GON4L: variants seen among roughly 807,000 people sequenced by gnomAD.
The protein encoded by GON4L is gon-4 like, also known as GON-4-like protein.
In GON4L, 87 loss-of-function variants were observed where a neutral mutation model predicts 211.8. That is an observed-to-expected ratio of 0.41 (90% CI 0.35 to 0.49). The LOEUF (loss-of-function observed/expected upper bound fraction) is 0.49. Among genes scored for constraint, GON4L ranks in the 20% least tolerant of loss-of-function variants. The pLI is 0.15. For synonymous variants in GON4L, 875 were observed against 962.6 expected (o/e 0.91, Z 1.68); for missense variants, 2,155 against 2,659.5 (o/e 0.81, Z 4.17).
intron 2 of GON4L, among the ~76,000 whole-genome samples, chr1:155,840,732 G>A (rs1670694635): frequency 1.3e-5 from 2 of 152,124 alleles, no homozygotes; most frequent in Admixed American, 6.6e-5. Context: ...GGGCAAAAGG[G>A]GCAAAGTAAA....
rs1356020428 is a variant in GON4L, at chr1:155,776,486, G to C, written c.2092-5C>G. ...TTGGGTCAAGAGCTGAACGTGCTGG[G>C]GATGGAAAGAAAATGATGAAGTGAC... On this transcript the variant is annotated splice_polypyrimidine_tract_variant and splice_region_variant and intron_variant, in intron 15 of 31. Transcript: ENST00000368331. 3 of 1,602,576 alleles carry C rather than the reference G, an allele frequency of 1.9e-6. No individual in the cohort carries two copies. In the South Asian group the frequency reaches 3.3e-5, roughly 18 times the overall value.
rs1668229064 is a variant in GON4L, at chr1:155,816,280, A to T, written c.1015-18T>A. On this transcript the variant is annotated intron_variant, in intron 6 of 31. Coordinates refer to ENST00000368331, the MANE Select transcript of GON4L (RefSeq NM_001282860.2). ...GGAATTACCTACCAACAAAGAATAT[A>T]AATAATTAAGTTATCTTAACTGAAA... The T allele has an allele frequency of 8.9e-7, 1 of 1,126,118 alleles. No homozygotes were observed. Among genetic ancestry groups the T allele is most frequent in the Non-Finnish European group, 1.4e-6 (1 of 739,058 alleles). The allele number at this position is 1,126,118 out of a possible 1,614,324, so 69.8% of individuals were successfully genotyped here. A position where few individuals can be genotyped will look rare whatever the true frequency, so the allele number is the denominator to read the frequency against.
chr1:155,761,186 T>G (rs890186248), intron 23 of GON4L, among the ~76,000 whole-genome samples: 29 of 147,520 alleles, frequency 2.0e-4, no homozygotes, highest in African/African-American at 6.5e-4. Context: ...TTTTTTTTTT[T>G]TTTTTTTTTT....
chr1:155,763,055 A>T (rs908678836), intron 22 of GON4L, among the ~76,000 whole-genome samples: 8 of 151,960 alleles, frequency 5.3e-5, no homozygotes, highest in Non-Finnish European at 1.0e-4. Context: ...ATAAAAAAAT[A>T]AAAAAAAGAA....
At chr1:155,850,296 G>C (rs1671657710) in intron 2 of GON4L, among the ~76,000 whole-genome samples, 1 of 152,112 alleles carries the variant, frequency 6.6e-6, no homozygotes, top group Non-Finnish European at 1.5e-5. Flanking sequence ...CTAAAAAATT[G>C]TGTAGAAGAT....
At position 155,824,814 on chromosome 1, in the gene GON4L, C is replaced by T. The variant is rs545467844; in HGVS notation, c.697+2023G>A. Reference sequence around the variant, plus strand: ...AGAATTGAATGGGTAACAATGGGCACAAGGAAGCAAAAAGAAAAAACAAAG... The same window carrying T: ...AGAATTGAATGGGTAACAATGGGCATAAGGAAGCAAAAAGAAAAAACAAAG... On this transcript the variant is annotated intron_variant, in intron 3 of 31. Coordinates refer to ENST00000368331, the MANE Select transcript of GON4L (RefSeq NM_001282860.2). Among the ~76,000 whole-genome samples the T allele has an allele frequency of 6.9e-4, 95 of 137,874 alleles. 1 individual carries two copies. The highest frequency in any genetic ancestry group is 2.5e-3 in the African/African-American group (94 of 37,042). 90.5% of individuals were successfully genotyped at this position (137,874 alleles called of 152,430 possible).
At chr1:155,784,408 T>G in intron 13 of GON4L, 1 of 290,672 alleles carries the variant, frequency 3.4e-6, no homozygotes, top group Admixed American at 6.0e-5. Context: ...GACAGAGTCT[T>G]GCAGTCTTGC....
At chr1:155,851,439 G>A (rs969983822) in intron 2 of GON4L, among the ~76,000 whole-genome samples, 3 of 151,280 alleles carry the variant, frequency 2.0e-5, no homozygotes, top group Admixed American at 2.0e-4. Flanking sequence ...ATCTAGGCCG[G>A]GCGCAGTGGC....
Position 155,760,559 on chromosome 1 carries a change from C to G in GON4L, c.4994G>C (p.Arg1665Thr), listed in dbSNP as rs374015713. 2 of 1,613,094 alleles carry G rather than the reference C, an allele frequency of 1.2e-6. No individual in the cohort carries two copies. The highest frequency in any genetic ancestry group is 2.7e-5 in the African/African-American group (2 of 74,908). ...TTTGTAGAGATCTACAGCCGTCCGT[C>G]TCTGGGTACTTGACTCAAATTCATA... is the stretch of plus-strand genomic sequence containing the variant. ...VIYEFESSTQ[R>T]RTAVDLYKSL... Residue 1665 changes from arginine to threonine, a missense_variant, in exon 24 of 32, where the codon AGA (arginine) becomes ACA (threonine). Physicochemically the swap from Arg to Thr is moderately conservative, Grantham distance 71. Transcript: ENST00000368331.
At chr1:155,824,054 G>C (rs886729224) in intron 3 of GON4L, among the ~76,000 whole-genome samples, 1 of 152,044 alleles carries the variant, frequency 6.6e-6, no homozygotes, top group Non-Finnish European at 1.5e-5. Flanking sequence ...CACATGTTCA[G>C]CAAAAAATCT....
At chr1:155,763,878 C>G (rs1333636046) in intron 21 of GON4L, among the ~76,000 whole-genome samples, 1 of 152,038 alleles carries the variant, frequency 6.6e-6, no homozygotes, top group Non-Finnish European at 1.5e-5. Context: ...TGGTACATGC[C>G]TGTAATCCCA....
intron 24 of GON4L, among the ~76,000 whole-genome samples, chr1:155,759,458 C>T (rs942840479): frequency 1.3e-5 from 2 of 151,988 alleles, no homozygotes; most frequent in Admixed American, 6.6e-5. Context: ...CCTGTAATCC[C>T]GGCTACTCGG....
Position 155,752,598 on chromosome 1 carries a change from G to A in GON4L, c.5843-8C>T. On this transcript the variant is annotated splice_region_variant and splice_polypyrimidine_tract_variant and intron_variant, in intron 29 of 31. Coordinates refer to ENST00000368331, the MANE Select transcript of GON4L (RefSeq NM_001282860.2). ...TCCCCACTGCCAATCCTGCTTAGGA[G>A]GAAAATAAGGATCTCAGGGTACTGT... 1.3e-6 allele frequency: 2 copies of A among 1,572,374 alleles called. No individual in the cohort carries two copies. The highest frequency in any genetic ancestry group is 1.7e-6 in the Non-Finnish European group (2 of 1,158,496).
At chr1:155,842,623 G>A (rs1054318472) in intron 2 of GON4L, among the ~76,000 whole-genome samples, 1 of 151,548 alleles carries the variant, frequency 6.6e-6, no homozygotes, top group Non-Finnish European at 1.5e-5. Context: ...GGATCACGAG[G>A]TCAGGGAATC....
chr1:155,843,357 A>T (rs760684163), intron 2 of GON4L, among the ~76,000 whole-genome samples: 14 of 152,140 alleles, frequency 9.2e-5, no homozygotes, highest in Admixed American at 1.3e-4. Flanking sequence ...CACCCTGCAA[A>T]CCTCACAGCC....
intron 10 of GON4L, among the ~76,000 whole-genome samples, chr1:155,810,995 C>T (rs1237122435): frequency 6.6e-6 from 1 of 151,914 alleles, no homozygotes; most frequent in South Asian, 2.1e-4. Context: ...CTCCAGCCTG[C>T]GTGACAGACT....
Position 155,765,680 on chromosome 1 carries a change from C to G in GON4L, c.3793G>C (p.Val1265Leu). 1 of 1,614,222 alleles carries G rather than the reference C, an allele frequency of 6.2e-7. No homozygotes were observed. Among genetic ancestry groups the G allele is most frequent in the South Asian group, 1.1e-5 (1 of 91,080 alleles). Residue 1265 changes from valine to leucine, a missense_variant, in exon 21 of 32, where the codon GTG becomes CTG. Physicochemically the swap from Val to Leu is conservative, Grantham distance 32 (BLOSUM62 1). Around this residue, in one of 6 missense-constraint regions of GON4L, gnomAD observed 615 missense variants for 625.7 expected, o/e 0.98. Transcript: ENST00000368331. ...AGTGGAGGCCCTGGGCTATGTTCCA[C>G]TTTCGGGAAAACAGTAGCAGAGAGA... ...SPLSATVFPK[V>L]EHSPGPPLAD...
chr1:155,777,019 G>T (rs915224003), intron 15 of GON4L, among the ~76,000 whole-genome samples: 1 of 152,106 alleles, frequency 6.6e-6, no homozygotes, highest in African/African-American at 2.4e-5. Context: ...GAGGGACTGA[G>T]GTTAGAAAAA....
intron 6 of GON4L, among the ~76,000 whole-genome samples, chr1:155,818,640 A>C (rs1041933332): frequency 1.4e-4 from 21 of 152,218 alleles, no homozygotes; most frequent in African/African-American, 4.8e-4. Flanking sequence ...AATCTGGAAC[A>C]CTGTGGAGAT....
Sources: gnomAD v4.1 joint callset for allele counts (sites outside exome capture counted in the v4.1 genomes callset) on GRCh38, gnomAD v4.1.1 for gene constraint, gnomAD v4.1.1 regional missense constraint, MANE v1.5 for transcripts, NCBI Gene and HGNC (gene_info 2026-07-23, HGNC 2026-07-21) for gene names.